Variants in JAM3 observed in about 807,000 individuals in gnomAD.
JAM3 encodes junctional adhesion molecule 3, also known as junctional adhesion molecule C.
Under a neutral mutation model 39.4 loss-of-function variants are expected in JAM3, and 31 were observed. That is an observed-to-expected ratio of 0.79 (90% CI 0.59 to 1.06). The LOEUF (loss-of-function observed/expected upper bound fraction) is 1.06. Among genes scored for constraint, JAM3 ranks in the 50% least tolerant of loss-of-function variants. The probability of loss-of-function intolerance (pLI) is 0.00; values close to 1 mark genes in which losing one functional copy is unlikely to be tolerated. For synonymous variants in JAM3, 182 were observed against 148.7 expected, an observed-to-expected ratio of 1.22 and a Z score of -1.63; for missense variants, 455 against 391.4, an observed-to-expected ratio of 1.16 and a Z score of -1.37.
At chr11:134,093,762 ACG>A (rs1471436601) in intron 1 of JAM3, among the ~76,000 whole-genome samples, 3 of 83,456 alleles carry the variant, frequency 3.6e-5, no homozygotes, top group Admixed American at 1.1e-4. Flanking sequence ...TCCACCTTAC[ACG>A]TCACTTCCTG....
rs566778324 is a variant in JAM3 at position 134,095,774 on chromosome 11, C to T, written c.76+26615C>T. Among the ~76,000 whole-genome samples the T allele has an allele frequency of 2.6e-5, 4 of 152,250 alleles. 1 individual carries two copies. In the South Asian group the frequency reaches 8.3e-4, roughly 32 times the overall value. On this transcript the variant is annotated intron_variant, in intron 1 of 8. Transcript: ENST00000299106. ...TACATGACCACTTACTAAATAGGGGCTACTTTTTCGCCATCTTAGGAAGAA... is the reference window on the plus strand; with the variant it reads ...TACATGACCACTTACTAAATAGGGGTTACTTTTTCGCCATCTTAGGAAGAA...
At chr11:134,132,134 A>C (rs2120821742) in intron 1 of JAM3, among the ~76,000 whole-genome samples, 1 of 152,366 alleles carries the variant, frequency 6.6e-6, no homozygotes, top group East Asian at 1.9e-4. Flanking sequence ...TCACACTGAG[A>C]CACATGATCA....
chr11:134,137,602 C>T (rs1350221282), intron 1 of JAM3, among the ~76,000 whole-genome samples: 6 of 152,208 alleles, frequency 3.9e-5, no homozygotes, highest in African/African-American at 1.2e-4. Flanking sequence ...TCGTCGAAGT[C>T]ATGGTGCTCA....
chr11:134,132,410 A>G (rs528060470), intron 1 of JAM3, among the ~76,000 whole-genome samples: 1 of 152,236 alleles, frequency 6.6e-6, no homozygotes, highest in African/African-American at 2.4e-5. Context: ...CCAGACCTCT[A>G]TAGGAAATAT....
intron 1 of JAM3, among the ~76,000 whole-genome samples, chr11:134,120,863 T>C (rs1171213306): frequency 6.6e-6 from 1 of 152,264 alleles, no homozygotes; most frequent in Non-Finnish European, 1.5e-5. Flanking sequence ...CTGTTATGGC[T>C]TAAATGTATT....
At chr11:134,117,276 C>T (rs998933759) in intron 1 of JAM3, among the ~76,000 whole-genome samples, 1 of 152,138 alleles carries the variant, frequency 6.6e-6, no homozygotes. Flanking sequence ...ACTCAGGAGG[C>T]TGAGGCAGAA....
intron 1 of JAM3, among the ~76,000 whole-genome samples, chr11:134,089,376 A>G (rs1207976031): frequency 6.6e-6 from 1 of 152,028 alleles, no homozygotes; most frequent in Non-Finnish European, 1.5e-5. Flanking sequence ...TTAGTTACAT[A>G]TGTATACATG....
Position 134,148,795 on chromosome 11 carries a change from A to T in JAM3, c.874A>T (p.Asn292Tyr), listed in dbSNP as rs1314809318. ...GAACCCAGGGAAACCAGATGGAGTTAACTACATCCGCACTGACGAGGAGGT... is the reference window on the plus strand; with the variant it reads ...GAACCCAGGGAAACCAGATGGAGTTTACTACATCCGCACTGACGAGGAGGT... ...YKNPGKPDGV[N>Y]YIRTDEEGDF... Residue 292 changes from asparagine to tyrosine, a missense_variant, in exon 8 of 9, where the codon AAC becomes TAC. By Grantham distance (143) the Asn-to-Tyr change is moderately radical. Coordinates refer to ENST00000299106, the MANE Select transcript of JAM3 (RefSeq NM_032801.5). 1 of 1,614,064 alleles carries T rather than the reference A, an allele frequency of 6.2e-7. No individual in the cohort carries two copies. Among genetic ancestry groups the T allele is most frequent in the African/African-American group, 1.3e-5 (1 of 74,912 alleles).
At chr11:134,143,700 T>C (rs889126944) in intron 3 of JAM3, among the ~76,000 whole-genome samples, 2 of 152,252 alleles carry the variant, frequency 1.3e-5, no homozygotes, top group African/African-American at 2.4e-5. Flanking sequence ...TAACTGTTTT[T>C]AGTGTGTGCT....
intron 1 of JAM3, among the ~76,000 whole-genome samples, chr11:134,090,271 T>G (rs1465605973): frequency 1.3e-5 from 2 of 152,268 alleles, no homozygotes; most frequent in Admixed American, 1.3e-4. Flanking sequence ...TTCACTGTGA[T>G]GGTAGTTTCT....
intron 1 of JAM3, among the ~76,000 whole-genome samples, chr11:134,099,645 C>T (rs539349373): frequency 2.0e-4 from 31 of 152,266 alleles, no homozygotes; most frequent in Middle Eastern, 6.8e-3. Flanking sequence ...CTCTGTCACC[C>T]GCCCAGGCTG....
chr11:134,105,500 A>G (rs1942166963), intron 1 of JAM3, among the ~76,000 whole-genome samples: 1 of 152,184 alleles, frequency 6.6e-6, no homozygotes, highest in Admixed American at 6.5e-5. Context: ...AGTTCTGGCC[A>G]GGGCAATCAG....
chr11:134,132,147 C>G (rs1030492043), intron 1 of JAM3, among the ~76,000 whole-genome samples: 9 of 152,172 alleles, frequency 5.9e-5, no homozygotes, highest in African/African-American at 1.7e-4. Context: ...CATGATCAAA[C>G]TTGACAAAGA....
intron 1 of JAM3, among the ~76,000 whole-genome samples, chr11:134,098,768 C>G (rs1942027077): frequency 6.6e-6 from 1 of 152,106 alleles, no homozygotes; most frequent in Non-Finnish European, 1.5e-5. Context: ...GCAGGTGGAG[C>G]TCCACCTGCT....
At chr11:134,125,496 T>C (rs918252833) in intron 1 of JAM3, among the ~76,000 whole-genome samples, 2 of 152,232 alleles carry the variant, frequency 1.3e-5, no homozygotes, top group Non-Finnish European at 2.9e-5. Flanking sequence ...TTTCTTCTTA[T>C]AAGATTATAC....
intron 1 of JAM3, among the ~76,000 whole-genome samples, chr11:134,103,962 TAAC>T (rs1263756384): frequency 1.3e-5 from 2 of 152,094 alleles, no homozygotes; most frequent in Non-Finnish European, 1.5e-5. Context: ...GAGACAAAGT[TAAC>T]AAGGATATCC....
chr11:134,069,734 G>A (rs918957517), intron 1 of JAM3, among the ~76,000 whole-genome samples: 14 of 152,218 alleles, frequency 9.2e-5, no homozygotes, highest in Admixed American at 8.5e-4. Flanking sequence ...AGAAGGGACG[G>A]TGAGCGGGGG....
At chr11:134,106,888 T>C (rs952409818) in intron 1 of JAM3, among the ~76,000 whole-genome samples, 12 of 152,350 alleles carry the variant, frequency 7.9e-5, no homozygotes, top group African/African-American at 2.6e-4. Flanking sequence ...TTGGTGGGAC[T>C]GTAAACTAGT....
intron 1 of JAM3, among the ~76,000 whole-genome samples, chr11:134,083,204 A>G (rs1941693872): frequency 6.6e-6 from 1 of 152,218 alleles, no homozygotes; most frequent in Non-Finnish European, 1.5e-5. Context: ...CTTAAGGCAT[A>G]TGAAAAATAG....
Sources: allele counts gnomAD v4.1 joint callset (sites outside exome capture counted in the v4.1 genomes callset), GRCh38; gene constraint gnomAD v4.1.1; transcripts MANE v1.5; gene names NCBI Gene and HGNC (gene_info 2026-07-23, HGNC 2026-07-21).